Variants in SZT2 observed in about 807,000 individuals in gnomAD.
SZT2 encodes KICSTOR complex protein SZT2.
Under a neutral mutation model 404.2 loss-of-function variants are expected in SZT2, and 216 were observed. That is an observed-to-expected ratio of 0.53 (90% CI 0.48 to 0.60). The LOEUF is 0.60. Ranked by LOEUF, SZT2 falls within the 20% of genes least tolerant of loss-of-function variation. SZT2 has a pLI of 0.00. For synonymous variants in SZT2, 1,693 were observed against 1,749.9 expected, an observed-to-expected ratio of 0.97 and a Z score of 0.81; for missense variants, 3,857 against 4,459.2, an observed-to-expected ratio of 0.86 and a Z score of 3.85.
rs1654806759 is a variant in SZT2, at chr1:43,439,291, G to A, written c.6793-67G>A. The stretch of plus-strand genomic sequence containing the variant: ...TACCTGCACCACATTCCCCACTGTG[G>A]GCACCCATCCCCGAGGGTTTTGTCC... On this transcript the variant is annotated intron_variant, in intron 48 of 71. Coordinates refer to ENST00000634258, the MANE Select transcript of SZT2 (RefSeq NM_001365999.1). This position sits in a 1 kb window ranked among gnomAD's most constrained non-coding sequence, Gnocchi z 4.2. The A allele has an allele frequency of 1.3e-6, 2 of 1,579,654 alleles. No homozygotes were observed. The highest frequency in any genetic ancestry group is 2.2e-5 in the East Asian group (1 of 44,706).
chr1:43,439,158 T>C lies in SZT2; in HGVS notation c.6792+65T>C. On this transcript the variant is annotated intron_variant, in intron 48 of 71. Transcript: ENST00000634258. This position sits in a 1 kb window ranked among gnomAD's most constrained non-coding sequence, Gnocchi z 4.2. Reference sequence around the variant, plus strand: ...CCTGCCCCCTGCCCCACGCACTTACTCTTTCCTACCGATACCCCTATATGT... The same window carrying C: ...CCTGCCCCCTGCCCCACGCACTTACCCTTTCCTACCGATACCCCTATATGT... 5 of 1,604,406 alleles carry C rather than the reference T, an allele frequency of 3.1e-6. No homozygotes were observed. Among genetic ancestry groups the C allele is most frequent in the Non-Finnish European group, 4.3e-6 (5 of 1,173,580 alleles).
Position 43,454,034 on chromosome 1 carries a change from A to G in SZT2, c.*3554A>G. 1 of 1,155,134 alleles carries G rather than the reference A, an allele frequency of 8.7e-7. No homozygotes were observed. The highest frequency in any genetic ancestry group is 1.1e-6 in the Non-Finnish European group (1 of 939,704). 71.6% of individuals were successfully genotyped at this position (1,155,134 alleles called of 1,614,324 possible). A position where few individuals can be genotyped will look rare whatever the true frequency, so the allele number is the denominator to read the frequency against. Reference sequence around the variant, plus strand: ...GAGCGAGGGCGGCCGGAAAAGGAGCAGGACCCGCGCCTGGAGAAGGTAGGG... The same window carrying G: ...GAGCGAGGGCGGCCGGAAAAGGAGCGGGACCCGCGCCTGGAGAAGGTAGGG... On this transcript the variant is annotated 3_prime_UTR_variant, in exon 72 of 72. Coordinates refer to ENST00000634258, the MANE Select transcript of SZT2 (RefSeq NM_001365999.1).
chr1:43,414,696 G>T (rs1651489511), intron 4 of SZT2, among the ~76,000 whole-genome samples: 1 of 152,190 alleles, frequency 6.6e-6, no homozygotes, highest in East Asian at 1.9e-4. Context: ...AAATAAAAAA[G>T]CATTAAAAAG....
At chr1:43,391,228 C>T (rs975494894) in intron 1 of SZT2, among the ~76,000 whole-genome samples, 1 of 151,854 alleles carries the variant, frequency 6.6e-6, no homozygotes, top group Non-Finnish European at 1.5e-5. Flanking sequence ...GCAGGAGAAT[C>T]GCTTGAACCC....
intron 4 of SZT2, 195 bp downstream of exon 4, chr1:43,404,745 C>T: frequency 1.9e-6 from 1 of 530,062 alleles, no homozygotes; most frequent in Admixed American, 3.7e-5. Flanking sequence ...AAAGGGCTTT[C>T]CTATAGACTT....
At position 43,451,374 on chromosome 1, in the gene SZT2, C is replaced by G. The variant is rs769154500; in HGVS notation, c.*894C>G. The G allele has an allele frequency of 1.6e-5, 25 of 1,611,796 alleles. No individual in the cohort carries two copies. The highest frequency in any genetic ancestry group is 1.1e-4 in the East Asian group (5 of 44,874). On this transcript the variant is annotated 3_prime_UTR_variant, in exon 72 of 72. Transcript: ENST00000634258. ...AGGAGAAAACAGCCCCTGTCCGGGT[C>G]CCTCCAGAGCTCCCTTCCCCAGGGC...
Position 43,437,859 on chromosome 1 carries a change from G to A in SZT2, c.6465G>A (p.Val2155=), listed in dbSNP as rs1401707494. 6.2e-7 allele frequency: 1 copy of A among 1,614,078 alleles called. No homozygotes were observed. Among genetic ancestry groups the A allele is most frequent in the Non-Finnish European group, 8.5e-7 (1 of 1,180,050 alleles). The change falls in exon 46 of 72, where the codon GTG becomes GTA. Residue 2155 remains valine (V), a synonymous_variant. Transcript: ENST00000634258. This position sits in a 1 kb window ranked among gnomAD's most constrained non-coding sequence, Gnocchi z 5.3. The part of the protein sequence containing the change: ...SSDAARPVGQ[V]DRHIQLLVHG... Reference sequence around the variant, plus strand: ...ATGCTGCTCGTCCTGTGGGCCAAGTGGACAGACATATCCAGCTGCTGGTCC... The same window carrying A: ...ATGCTGCTCGTCCTGTGGGCCAAGTAGACAGACATATCCAGCTGCTGGTCC...
intron 38 of SZT2, 61 bp downstream of exon 38, chr1:43,432,665 T>A (rs895255889): frequency 2.5e-6 from 4 of 1,612,792 alleles, no homozygotes; most frequent in Non-Finnish European, 3.4e-6. Context: ...CATGCTTCCA[T>A]TTTTGGAGGG....
At chr1:43,423,014 GCT>G (rs1652599612) in intron 14 of SZT2, 83 bp from the exon 15 acceptor site, 2 of 1,504,324 alleles carry the variant, frequency 1.3e-6, no homozygotes, top group Non-Finnish European at 1.8e-6. Flanking sequence ...GGAGAAGAGG[GCT>G]GTGTCTCACT....
intron 4 of SZT2, chr1:43,410,265 A>C (rs1027084818): frequency 6.6e-6 from 1 of 152,146 alleles, no homozygotes; most frequent in South Asian, 2.1e-4. Context: ...TTAAAGACTT[A>C]AATCTGGCCA....
chr1:43,443,208 A>G lies in SZT2; in HGVS notation c.8440A>G (p.Met2814Val). Residue 2814 changes from methionine (M) to valine (V), a missense_variant, in exon 60 of 72, where the codon ATG becomes GTG. Met to Val is a conservative substitution (Grantham distance 21, BLOSUM62 1). Coordinates refer to ENST00000634258, the MANE Select transcript of SZT2 (RefSeq NM_001365999.1). The part of the protein sequence containing the change: ...ERRELERQMK[M>V]ENLFVTWQQR... ...CTCAGAGCTGGAGCGCCAGATGAAG[A>G]TGGAAAACCTGTTTGTAACCTGGCA... The G allele has an allele frequency of 6.2e-7, 1 of 1,614,112 alleles. No homozygotes were observed. Among genetic ancestry groups the G allele is most frequent in the Non-Finnish European group, 8.5e-7 (1 of 1,179,996 alleles).
rs374492072 is a variant in SZT2, at chr1:43,448,147, G to T, written c.9632G>T (p.Arg3211Leu). Residue 3211 changes from arginine to leucine, a missense_variant, in exon 69 of 72, where the codon CGC (arginine) becomes CTC (leucine). Physicochemically the swap from Arg to Leu is moderately radical, Grantham distance 102. Coordinates refer to ENST00000634258, the MANE Select transcript of SZT2 (RefSeq NM_001365999.1). This position sits in a 1 kb window ranked among gnomAD's most constrained non-coding sequence, Gnocchi z 4.2. Reference protein sequence around the residue: ...LFPRLTADMRRFRKPPRLPPE... With the variant: ...LFPRLTADMRLFRKPPRLPPE... ...CCCAGGCTCACTGCTGACATGCGCC[G>T]CTTCCGGAAGCCACCCAGACTGCCC... The T allele has an allele frequency of 6.2e-7, 1 of 1,609,866 alleles. No homozygotes were observed. Among genetic ancestry groups the T allele is most frequent in the Non-Finnish European group, 8.5e-7 (1 of 1,177,386 alleles).
intron 65 of SZT2, 182 bp downstream of exon 65, chr1:43,446,598 G>T (rs949717999): frequency 5.5e-6 from 4 of 728,634 alleles, no homozygotes; most frequent in Admixed American, 2.4e-5. Flanking sequence ...CTCACTACAA[G>T]GCTGACCCCA....
Position 43,437,013 on chromosome 1 carries a change from TG to T in SZT2, c.6035-156del. 1 of 921,192 alleles carries T rather than the reference TG, an allele frequency of 1.1e-6. No individual in the cohort carries two copies. 57.1% of individuals were successfully genotyped at this position (921,192 alleles called of 1,614,324 possible). A position where few individuals can be genotyped will look rare whatever the true frequency, so the allele number is the denominator to read the frequency against. On this transcript the variant is annotated intron_variant, in intron 42 of 71. Coordinates refer to ENST00000634258, the MANE Select transcript of SZT2 (RefSeq NM_001365999.1). This position sits in a 1 kb window ranked among gnomAD's most constrained non-coding sequence, Gnocchi z 5.3. ...GTGTTCCTAAGGGCATGCATCTGCC[TG>T]GCCCTGTCGTGTTACCCAGAATGAT...
intron 40 of SZT2, 55 bp from the exon 41 acceptor site, chr1:43,434,331 A>T: frequency 1.4e-6 from 2 of 1,449,158 alleles, no homozygotes; most frequent in South Asian, 2.4e-5. Context: ...ATATCATGCC[A>T]TTACATATAA....
At position 43,454,056 on chromosome 1, in the gene SZT2, A is replaced by G. The variant is rs976688250; in HGVS notation, c.*3576A>G. On this transcript the variant is annotated 3_prime_UTR_variant, in exon 72 of 72. Coordinates refer to ENST00000634258, the MANE Select transcript of SZT2 (RefSeq NM_001365999.1). ...AGCAGGACCCGCGCCTGGAGAAGGT[A>G]GGGAGGCCGAGCTCCAGGGCCTGAG... 21 of 1,132,392 alleles carry G rather than the reference A, an allele frequency of 1.9e-5. No homozygotes were observed. Among genetic ancestry groups the G allele is most frequent in the Non-Finnish European group, 2.2e-5 (20 of 925,368 alleles). 70.1% of individuals were successfully genotyped at this position (1,132,392 alleles called of 1,614,324 possible). A position where few individuals can be genotyped will look rare whatever the true frequency, so the allele number is the denominator to read the frequency against.
chr1:43,391,197 T>TC (rs543517702), intron 1 of SZT2, among the ~76,000 whole-genome samples: 14 of 151,886 alleles, frequency 9.2e-5, no homozygotes, highest in Non-Finnish European at 1.9e-4. Flanking sequence ...GCCTGTAATC[T>TC]CAGCTACTCG....
At position 43,440,587 on chromosome 1, in the gene SZT2, G is replaced by A; in HGVS notation, c.7344+1G>A. 6.3e-7 allele frequency: 1 copy of A among 1,584,570 alleles called. No individual in the cohort carries two copies. Among genetic ancestry groups the A allele is most frequent in the Non-Finnish European group, 8.6e-7 (1 of 1,167,206 alleles). On this transcript the variant is annotated splice_donor_variant, in intron 52 of 71. Transcript: ENST00000634258. LOFTEE classifies it high-confidence loss of function. ...CCGGCGTAGCTTCTGGGATATGCTGGTAATGGAAGAAGTGGTGAAGTGGGC... is the reference window on the plus strand; with the variant it reads ...CCGGCGTAGCTTCTGGGATATGCTGATAATGGAAGAAGTGGTGAAGTGGGC...
In SZT2 at chr1:43,426,136, C is replaced by G; in HGVS notation, c.3028C>G (p.Leu1010Val). ...PQCQQLQMFF[L>V]LLAREPEGVP... ...GTGCCAGCAGCTCCAGATGTTCTTC[C>G]TCTTGCTTGCCAGAGGTAGGTGAAC... Residue 1010 changes from leucine to valine, a missense_variant, in exon 21 of 72, where the codon CTC becomes GTC. By Grantham distance (32) the Leu-to-Val change is conservative. Transcript: ENST00000634258. The surrounding 1 kb of genome is among the most constrained non-coding windows in gnomAD (Gnocchi z 4.9). The G allele has an allele frequency of 6.2e-7, 1 of 1,614,186 alleles. No homozygotes were observed. Among genetic ancestry groups the G allele is most frequent in the African/African-American group, 1.3e-5 (1 of 75,040 alleles).
Sources: gnomAD v4.1 joint callset for allele counts (sites outside exome capture counted in the v4.1 genomes callset) on GRCh38, gnomAD v4.1.1 for gene constraint, Gnocchi (gnomAD v3.1) non-coding constraint, MANE v1.5 for transcripts, NCBI Gene and HGNC (gene_info 2026-07-23, HGNC 2026-07-21) for gene names.